The following NELL2 variants were observed in gnomAD, a reference collection of about 807,000 sequenced individuals.
NELL2 encodes neural EGFL like 2.
Under a neutral mutation model 109.6 loss-of-function variants are expected in NELL2, and 41 were observed. The observed-to-expected ratio is 0.37, with a 90% CI of 0.29 to 0.49. The LOEUF is 0.49. NELL2 is among the 20% of genes least tolerant of loss of function. The probability of loss-of-function intolerance (pLI) is 0.98; values close to 1 mark genes in which losing one functional copy is unlikely to be tolerated. For missense variants in NELL2, 900 were observed against 1,008.3 expected (o/e 0.89, Z 1.45); for synonymous variants, 355 against 344.7 (o/e 1.03, Z -0.33).
At chr12:44,647,843 G>A (rs976136053) in intron 13 of NELL2, among the ~76,000 whole-genome samples, 2 of 152,312 alleles carry the variant, frequency 1.3e-5, no homozygotes, top group Middle Eastern at 6.8e-3. Context: ...AATGGGATAA[G>A]TGGGGTGTCA....
chr12:44,684,239 G>C (rs1168785186), intron 12 of NELL2, among the ~76,000 whole-genome samples: 4 of 152,188 alleles, frequency 2.6e-5, no homozygotes, highest in Non-Finnish European at 5.9e-5. Flanking sequence ...ATGGTAGTTT[G>C]TATTTCTGTG....
chr12:44,678,119 T>C (rs1394228232), intron 12 of NELL2, among the ~76,000 whole-genome samples: 3 of 152,050 alleles, frequency 2.0e-5, no homozygotes, highest in African/African-American at 7.2e-5. Flanking sequence ...GACATTTAAG[T>C]GACAAGTAAA....
At chr12:44,733,331 T>A (rs983921327) in intron 9 of NELL2, among the ~76,000 whole-genome samples, 2 of 151,862 alleles carry the variant, frequency 1.3e-5, no homozygotes, top group African/African-American at 4.8e-5. Flanking sequence ...GATGAATAAA[T>A]AAAGAAAATG....
chr12:44,563,431 C>T (rs930601879), intron 15 of NELL2, among the ~76,000 whole-genome samples: 2 of 152,020 alleles, frequency 1.3e-5, no homozygotes, highest in Non-Finnish European at 2.9e-5. Context: ...GAATTTGAAG[C>T]TCTGCTTTAA....
rs141434580 is a variant in NELL2 at position 44,566,060 on chromosome 12, G to T, written c.1664-33339C>A. 3.6e-3 allele frequency among the ~76,000 whole-genome samples: 544 copies of T among 152,230 alleles called. 9 individuals carry two copies. Among genetic ancestry groups the T allele is most frequent in the East Asian group, 0.016 (83 of 5,182 alleles). On this transcript the variant is annotated intron_variant, in intron 15 of 19. Transcript: ENST00000429094. ...GGGAAAGGAAACTTAGGAGCCTCTGGCAATAGTTCAGATGAGGGATGATAA... is the reference window on the plus strand; with the variant it reads ...GGGAAAGGAAACTTAGGAGCCTCTGTCAATAGTTCAGATGAGGGATGATAA...
intron 15 of NELL2, among the ~76,000 whole-genome samples, chr12:44,533,816 G>C (rs573020570): frequency 6.6e-6 from 1 of 152,214 alleles, no homozygotes; most frequent in East Asian, 1.9e-4. Flanking sequence ...CTTAGACTCT[G>C]CTATATGATC....
chr12:44,678,880 T>G (rs183614284), intron 12 of NELL2, among the ~76,000 whole-genome samples: 1 of 151,934 alleles, frequency 6.6e-6, no homozygotes, highest in African/African-American at 2.4e-5. Flanking sequence ...CAAGTCTAGA[T>G]TGAAGTGGGT....
At chr12:44,544,043 T>C (rs766920762) in intron 15 of NELL2, among the ~76,000 whole-genome samples, 7 of 152,034 alleles carry the variant, frequency 4.6e-5, no homozygotes, top group Non-Finnish European at 1.0e-4. Flanking sequence ...AAAAAGAAGA[T>C]ATTGGGAGAT....
chr12:44,706,773 A>G (rs1937906177), intron 11 of NELL2, among the ~76,000 whole-genome samples: 1 of 152,182 alleles, frequency 6.6e-6, no homozygotes, highest in Non-Finnish European at 1.5e-5. Context: ...TGGATGAACC[A>G]ATTATCTAAT....
chr12:44,798,904 C>T (rs1173439988), intron 3 of NELL2, among the ~76,000 whole-genome samples: 1 of 143,202 alleles, frequency 7.0e-6, no homozygotes. Context: ...GATCAGTTGG[C>T]TATTCATATA....
upstream of NELL2, among the ~76,000 whole-genome samples, chr12:44,877,456 G>A (rs1487190339): frequency 6.6e-6 from 1 of 152,168 alleles, no homozygotes; most frequent in Non-Finnish European, 1.5e-5. Flanking sequence ...AAACCATTAT[G>A]GTATTAATCT....
At chr12:44,686,850 G>A (rs577576245) in intron 12 of NELL2, among the ~76,000 whole-genome samples, 1 of 152,310 alleles carries the variant, frequency 6.6e-6, no homozygotes, top group South Asian at 2.1e-4. Flanking sequence ...AGTCTGCAGA[G>A]GTTACTGCTG....
intron 11 of NELL2, among the ~76,000 whole-genome samples, chr12:44,708,794 C>T (rs546588207): frequency 1.3e-5 from 2 of 152,182 alleles, no homozygotes; most frequent in East Asian, 1.9e-4. Context: ...AATAGTAATG[C>T]CAAGGCCCCA....
chr12:44,901,590 C>A (rs1429188935), intron 1 of NELL2, among the ~76,000 whole-genome samples: 4 of 152,128 alleles, frequency 2.6e-5, no homozygotes, highest in Non-Finnish European at 5.9e-5. Context: ...GGTGGAGACA[C>A]ACACACAAAA....
At chr12:44,716,900 G>A (rs1938518737) in intron 9 of NELL2, among the ~76,000 whole-genome samples, 1 of 151,902 alleles carries the variant, frequency 6.6e-6, no homozygotes. Flanking sequence ...AGAGCAGATG[G>A]GCCTTCTGTT....
rs372305255 is a variant in NELL2 at position 44,523,343 on chromosome 12, T to C, written c.1946A>G (p.Asn649Ser). The C allele has an allele frequency of 4.3e-6, 7 of 1,614,052 alleles. No individual in the cohort carries two copies. Among genetic ancestry groups the C allele is most frequent in the African/African-American group, 2.7e-5 (2 of 74,940 alleles). The change falls in exon 17 of 20, where the codon AAT (asparagine) becomes AGT (serine). Residue 649 changes from asparagine (N) to serine (S), a missense_variant. Coordinates refer to ENST00000429094, the MANE Select transcript of NELL2 (RefSeq NM_001145108.2). ...ATTTTCCAACACCCAAATCTGACCATTGTGCTTAACTTTTCCATCATGGAT... is the reference window on the plus strand; with the variant it reads ...ATTTTCCAACACCCAAATCTGACCACTGTGCTTAACTTTTCCATCATGGAT... The part of the protein sequence containing the change: ...DCIHDGKVKH[N>S]GQIWVLENDR...
intron 15 of NELL2, among the ~76,000 whole-genome samples, chr12:44,533,555 T>G (rs148194227): frequency 1.7e-3 from 255 of 152,212 alleles, no homozygotes; most frequent in African/African-American, 5.2e-3. Context: ...TTTATAGAAG[T>G]AAATCACGCT....
chr12:44,674,799 A>C (rs1369968784), intron 12 of NELL2, among the ~76,000 whole-genome samples: 1 of 152,198 alleles, frequency 6.6e-6, no homozygotes, highest in Admixed American at 6.6e-5. Flanking sequence ...CCGAGTCTTA[A>C]GTGGTTACTA....
At position 44,532,566 on chromosome 12, in the gene NELL2, TCTC is replaced by T; in HGVS notation, c.1804+12_1804+14del. The stretch of plus-strand genomic sequence containing the variant: ...AGAGAAGTTCTTAAATTCTAGGTCT[TCTC>T]CTTGTACTGACCTTCACACGATTCT... On this transcript the variant is annotated intron_variant, in intron 16 of 19. Coordinates refer to ENST00000429094, the MANE Select transcript of NELL2 (RefSeq NM_001145108.2). 6.2e-7 allele frequency: 1 copy of T among 1,604,738 alleles called. No homozygotes were observed. Among genetic ancestry groups the T allele is most frequent in the Non-Finnish European group, 8.5e-7 (1 of 1,176,338 alleles).
Sources: gnomAD v4.1 joint callset for allele counts (sites outside exome capture counted in the v4.1 genomes callset) on GRCh38, gnomAD v4.1.1 for gene constraint, MANE v1.5 for transcripts, NCBI Gene and HGNC (gene_info 2026-07-23, HGNC 2026-07-21) for gene names.